Variants in RELN observed in about 807,000 individuals in gnomAD.
The protein encoded by RELN is reelin.
Under a neutral mutation model 427.6 loss-of-function variants are expected in RELN, and 108 were observed. That is an observed-to-expected ratio of 0.25 (90% CI 0.22 to 0.30). The LOEUF is 0.30. RELN is among the 10% of genes least tolerant of loss of function. The probability of loss-of-function intolerance (pLI) is 1.00; values close to 1 mark genes in which losing one functional copy is unlikely to be tolerated. For missense variants in RELN, 3,715 were observed against 4,302.8 expected (o/e 0.86, Z 3.82); for synonymous variants, 1,524 against 1,513.4 (o/e 1.01, Z -0.16).
At chr7:103,803,583 T>C (rs1963647) in intron 3 of RELN, among the ~76,000 whole-genome samples, 40,055 of 151,952 alleles carry the variant, frequency 0.26, 5,361 homozygotes, top group East Asian at 0.35. Context: ...AGACTTTATG[T>C]TATACTCTAT....
chr7:103,775,338 C>T (rs1192481561), intron 4 of RELN, among the ~76,000 whole-genome samples: 1 of 152,118 alleles, frequency 6.6e-6, no homozygotes, highest in Non-Finnish European at 1.5e-5. Flanking sequence ...ATGTTTGAAA[C>T]TATAACTAGA....
rs1827890218 is a variant in RELN at position 103,472,543 on chromosome 7, T to C, written c.*269A>G. On this transcript the variant is annotated 3_prime_UTR_variant, in exon 65 of 65. Coordinates refer to ENST00000428762, the MANE Select transcript of RELN (RefSeq NM_005045.4). ...CATTTTTCTGTTAAACTGTTTCTTA[T>C]TGTCAATACTGCCACTGTAACTGAT... The C allele has an allele frequency of 4.7e-6, 2 of 425,078 alleles. No homozygotes were observed. Among genetic ancestry groups the C allele is most frequent in the Non-Finnish European group, 8.6e-6 (2 of 231,500 alleles). 26.3% of individuals were successfully genotyped at this position (425,078 alleles called of 1,614,324 possible). A position where few individuals can be genotyped will look rare whatever the true frequency, so the allele number is the denominator to read the frequency against.
intron 19 of RELN, among the ~76,000 whole-genome samples, chr7:103,631,396 T>C (rs1832464705): frequency 6.8e-6 from 1 of 146,906 alleles, no homozygotes; most frequent in Non-Finnish European, 1.5e-5. Flanking sequence ...CAGGTTCAAG[T>C]GATTATCCTG....
chr7:103,583,502 T>C (rs1304486326), intron 28 of RELN, among the ~76,000 whole-genome samples: 1 of 152,216 alleles, frequency 6.6e-6, no homozygotes, highest in African/African-American at 2.4e-5. Flanking sequence ...AAAAAGGCTG[T>C]GACAAGTTAA....
chr7:103,803,123 T>C (rs573481739), intron 3 of RELN, among the ~76,000 whole-genome samples: 11 of 152,164 alleles, frequency 7.2e-5, no homozygotes, highest in African/African-American at 2.6e-4. Context: ...AAGAATAAGC[T>C]CCTTTCTTCC....
At chr7:103,917,444 A>G (rs574807514) in intron 1 of RELN, among the ~76,000 whole-genome samples, 36 of 152,276 alleles carry the variant, frequency 2.4e-4, no homozygotes, top group African/African-American at 8.7e-4. Flanking sequence ...TTATGTGAAC[A>G]ATCATCTGAA....
intron 2 of RELN, among the ~76,000 whole-genome samples, chr7:103,870,472 G>T (rs1794304294): frequency 6.6e-6 from 1 of 151,884 alleles, no homozygotes; most frequent in East Asian, 1.9e-4. Context: ...AATGCCCAGT[G>T]AATTTCCTAG....
chr7:103,643,799 A>G (rs1196389798), intron 16 of RELN, among the ~76,000 whole-genome samples: 1 of 152,064 alleles, frequency 6.6e-6, no homozygotes, highest in East Asian at 1.9e-4. Context: ...TAGAATACAT[A>G]GATGAGATCA....
chr7:103,936,207 C>T (rs1178481512), intron 1 of RELN, among the ~76,000 whole-genome samples: 1 of 151,958 alleles, frequency 6.6e-6, no homozygotes, highest in Non-Finnish European at 1.5e-5. Flanking sequence ...ATTCTCGTGC[C>T]TCAGCCACCC....
chr7:103,672,776 T>C (rs978183314), intron 11 of RELN, among the ~76,000 whole-genome samples: 2 of 152,184 alleles, frequency 1.3e-5, no homozygotes, highest in Non-Finnish European at 2.9e-5. Context: ...TGAGCACCAC[T>C]TTGGCCATAT....
intron 2 of RELN, among the ~76,000 whole-genome samples, chr7:103,877,915 G>A (rs1245934627): frequency 6.8e-6 from 1 of 146,480 alleles, no homozygotes; most frequent in Admixed American, 6.9e-5. Context: ...GAGTGCAGTG[G>A]TACAATCTTG....
At chr7:103,604,893 G>A (rs1263235905) in intron 22 of RELN, among the ~76,000 whole-genome samples, 3 of 149,464 alleles carry the variant, frequency 2.0e-5, no homozygotes, top group African/African-American at 5.0e-5. Flanking sequence ...GCAATGGTGC[G>A]ATCTCGGCTC....
At chr7:103,515,956 G>A (rs1270244101) in intron 49 of RELN, among the ~76,000 whole-genome samples, 1 of 152,158 alleles carries the variant, frequency 6.6e-6, no homozygotes, top group Non-Finnish European at 1.5e-5. Context: ...TCAGTTGTCT[G>A]TGGTGCAGAC....
Position 103,650,302 on chromosome 7 carries a change from G to A in RELN, c.1974C>T (p.Ile658=). The stretch of plus-strand genomic sequence containing the variant: ...TATCAATTGCCCACATGTTTCCAAG[G>A]ATTGGTCCTGTTTGTCTCCAGCGAA... ...TRIRWRQTGP[I]LGNMWAIDNV... The change falls in exon 16 of 65, where the codon ATC becomes ATT. Residue 658 remains isoleucine (I), a synonymous_variant. Coordinates refer to ENST00000428762, the MANE Select transcript of RELN (RefSeq NM_005045.4). 6.2e-7 allele frequency: 1 copy of A among 1,610,470 alleles called. No individual in the cohort carries two copies. Among genetic ancestry groups the A allele is most frequent in the South Asian group, 1.1e-5 (1 of 91,018 alleles).
At chr7:103,663,636 T>C (rs929566797) in intron 11 of RELN, among the ~76,000 whole-genome samples, 2 of 152,206 alleles carry the variant, frequency 1.3e-5, no homozygotes, top group African/African-American at 4.8e-5. Context: ...ACTTAATGCC[T>C]ACTGCTACTA....
At chr7:103,922,283 G>C (rs953725868) in intron 1 of RELN, among the ~76,000 whole-genome samples, 1 of 151,968 alleles carries the variant, frequency 6.6e-6, no homozygotes, top group Non-Finnish European at 1.5e-5. Context: ...GAAAATTTTA[G>C]TTGGATTTTA....
chr7:103,864,164 A>ACGT (rs1487786218), intron 2 of RELN, among the ~76,000 whole-genome samples: 1 of 152,192 alleles, frequency 6.6e-6, no homozygotes, highest in East Asian at 1.9e-4. Context: ...CGTAATTGAA[A>ACGT]TCTCATAACT....
In RELN at chr7:103,593,090, C is replaced by G. The variant is rs562405585; in HGVS notation, c.3912+592G>C. Among the ~76,000 whole-genome samples the G allele has an allele frequency of 2.7e-4, 41 of 152,222 alleles. No individual in the cohort carries two copies. The South Asian group carries it at 3.3e-3, about 12-fold the overall frequency. On this transcript the variant is annotated intron_variant, in intron 27 of 64. Transcript: ENST00000428762. ...TCATTAAAACTGCATTACTTTCAAC[C>G]CCAGAAGTCACCTATGGGATTTTAT...
Position 103,917,074 on chromosome 7 carries a change from C to T in RELN, c.337+1G>A. On this transcript the variant is annotated splice_donor_variant, in intron 2 of 64. Transcript: ENST00000428762. LOFTEE classifies it high-confidence loss of function. ...ATTTCTGGTTTGTGAGAATAGCTTA[C>T]CAAATCCGAAAGCACTGGAACCTCC... 1 of 1,611,796 alleles carries T rather than the reference C, an allele frequency of 6.2e-7. No homozygotes were observed. Among genetic ancestry groups the T allele is most frequent in the Non-Finnish European group, 8.5e-7 (1 of 1,178,078 alleles).
Sources: gnomAD v4.1 joint callset for allele counts (sites outside exome capture counted in the v4.1 genomes callset) on GRCh38, gnomAD v4.1.1 for gene constraint, MANE v1.5 for transcripts, NCBI Gene and HGNC (gene_info 2026-07-23, HGNC 2026-07-21) for gene names.